Variants in AIMP2 observed in about 807,000 individuals in gnomAD.
The protein encoded by AIMP2 is aminoacyl tRNA synthase complex-interacting multifunctional protein 2.
A neutral mutation model predicts 23.4 loss-of-function variants in AIMP2; 20 were observed. The observed-to-expected ratio is 0.85, with a 90% CI of 0.60 to 1.24. AIMP2 has a LOEUF of 1.24. Ranked by LOEUF, AIMP2 falls within the 50% of genes most tolerant of loss-of-function variation. The pLI is 0.00. For synonymous variants in AIMP2, 210 were observed against 170.4 expected (o/e 1.23, Z -1.81); for missense variants, 515 against 414.5 (o/e 1.24, Z -2.10).
In AIMP2 at chr7:6,023,306, C is replaced by G. The variant is rs776366708; in HGVS notation, c.578C>G (p.Pro193Arg). The change falls in exon 4 of 4, where the codon CCG becomes CGG. Residue 193 changes from proline to arginine, a missense_variant. By Grantham distance (103) the Pro-to-Arg change is moderately radical (BLOSUM62 -2). Transcript: ENST00000223029. Reference sequence around the variant, plus strand: ...CTGGCGTGTTTTTTCTTTTCAGTGCCGAAGACGCAGATGAAATTCAGCATC... The same window carrying G: ...CTGGCGTGTTTTTTCTTTTCAGTGCGGAAGACGCAGATGAAATTCAGCATC... ...LGFTLIWKNV[P>R]KTQMKFSIQT... 1.3e-6 allele frequency: 2 copies of G among 1,592,144 alleles called. No individual in the cohort carries two copies. Among genetic ancestry groups the G allele is most frequent in the African/African-American group, 1.4e-5 (1 of 73,984 alleles).
chr7:6,018,638 A>C (rs1011649107), intron 3 of AIMP2, among the ~76,000 whole-genome samples: 1 of 151,648 alleles, frequency 6.6e-6, no homozygotes, highest in African/African-American at 2.4e-5. Context: ...GTTCAAGACC[A>C]GCCTGACCAA....
rs374710868 is a variant in AIMP2 at position 6,015,292 on chromosome 7, A to T, written c.282A>T (p.Gln94His). The change falls in exon 2 of 4, where the codon CAA becomes CAT. Residue 94 changes from glutamine (Q) to histidine (H), a missense_variant. By Grantham distance (24) the Gln-to-His change is conservative (BLOSUM62 0). Coordinates refer to ENST00000223029, the MANE Select transcript of AIMP2 (RefSeq NM_006303.4). ...DADLDVTNII[Q>H]ADEPTTLTTN... ...ACTTGGATGTAACCAACATAATCCA[A>T]GCGGATGAGCCCACGACTTTAACCA... The T allele has an allele frequency of 9.9e-6, 16 of 1,614,092 alleles. No individual in the cohort carries two copies. The highest frequency in any genetic ancestry group is 6.7e-5 in the Admixed American group (4 of 60,006).
chr7:6,015,283 C>G lies in AIMP2; in HGVS notation c.273C>G (p.Asn91Lys). Residue 91 changes from asparagine to lysine, a missense_variant, in exon 2 of 4, where the codon AAC becomes AAG. Transcript: ENST00000223029. ...QTPDADLDVT[N>K]IIQADEPTTL... Reference sequence around the variant, plus strand: ...CAGATGCAGACTTGGATGTAACCAACATAATCCAAGCGGATGAGCCCACGA... The same window carrying G: ...CAGATGCAGACTTGGATGTAACCAAGATAATCCAAGCGGATGAGCCCACGA... 1.9e-6 allele frequency: 3 copies of G among 1,614,206 alleles called. No homozygotes were observed. Among genetic ancestry groups the G allele is most frequent in the Non-Finnish European group, 2.5e-6 (3 of 1,180,042 alleles).
In AIMP2 at chr7:6,009,974, A is replaced by AATATATATAT. The variant is rs1183984035; in HGVS notation, c.135+485_135+494dup. ...CAAAAAAAAAAAAAAAAAAAAAAAA[A>AATATATATAT]ATATATATATATATATATGTATGTA... On this transcript the variant is annotated intron_variant, in intron 1 of 3. Coordinates refer to ENST00000223029, the MANE Select transcript of AIMP2 (RefSeq NM_006303.4). Among the ~76,000 whole-genome samples the AATATATATAT allele has an allele frequency of 4.4e-3, 117 of 26,584 alleles. 1 individual carries two copies. Among genetic ancestry groups the AATATATATAT allele is most frequent in the East Asian group, 0.011 (3 of 270 alleles). The allele number at this position is 26,584 out of a possible 152,430, so 17.4% of individuals were successfully genotyped here. A position where few individuals can be genotyped will look rare whatever the true frequency, so the allele number is the denominator to read the frequency against.
At chr7:6,011,741 G>T (rs1015102168) in intron 1 of AIMP2, among the ~76,000 whole-genome samples, 2 of 152,322 alleles carry the variant, frequency 1.3e-5, no homozygotes, top group Admixed American at 6.5e-5. Context: ...ACAGGGCCCA[G>T]TCACCCTCCA....
chr7:6,010,918 C>T (rs926365295), intron 1 of AIMP2, among the ~76,000 whole-genome samples: 4 of 152,092 alleles, frequency 2.6e-5, no homozygotes, highest in Admixed American at 2.0e-4. Context: ...CCTCTAACCC[C>T]AGCCTCCCAA....
intron 1 of AIMP2, among the ~76,000 whole-genome samples, chr7:6,014,581 C>T (rs915016059): frequency 1.3e-5 from 2 of 151,794 alleles, no homozygotes; most frequent in Admixed American, 1.3e-4. Flanking sequence ...ATTTGGGGAT[C>T]AATTTGCAGG....
rs142458143 is a variant in AIMP2 at position 6,009,441 on chromosome 7, G to C, written c.78G>C (p.Arg26=). 4 of 1,610,700 alleles carry C rather than the reference G, an allele frequency of 2.5e-6. No homozygotes were observed. Among genetic ancestry groups the C allele is most frequent in the Non-Finnish European group, 3.4e-6 (4 of 1,179,786 alleles). The change falls in exon 1 of 4, where the codon CGG becomes CGC. Residue 26 remains arginine (R), a synonymous_variant. Coordinates refer to ENST00000223029, the MANE Select transcript of AIMP2 (RefSeq NM_006303.4). ...TGGAGCTTCCCACCTGCATGTACCG[G>C]CTCCCCAACGTGCACGGCAGGAGCT... ...LRVELPTCMY[R]LPNVHGRSYG... is the part of the protein sequence containing the mutation.
chr7:6,015,031 C>T (rs1296424089), intron 1 of AIMP2, 115 bp from the exon 2 acceptor site: 10 of 1,554,260 alleles, frequency 6.4e-6, no homozygotes, highest in Non-Finnish European at 8.7e-6. Context: ...ATAATGTCTT[C>T]TTTTAAAGGG....
chr7:6,009,613 C>T, intron 1 of AIMP2, 115 bp downstream of exon 1: 1 of 931,890 alleles, frequency 1.1e-6, no homozygotes, highest in Non-Finnish European at 1.4e-6. Flanking sequence ...ACCCCGGCAT[C>T]TGTGCCGGCC....
rs371322289 is a variant in AIMP2 at position 6,023,460 on chromosome 7, A to G, written c.732A>G (p.Leu244=). 5.0e-6 allele frequency: 8 copies of G among 1,614,048 alleles called. No homozygotes were observed. The African/African-American group carries it at 1.1e-4, about 22-fold the overall frequency. The change falls in exon 4 of 4, where the codon TTA becomes TTG. Residue 244 remains leucine (L), a synonymous_variant. Transcript: ENST00000223029. ...DSWVDIAIFQ[L]KEGSSKEKAA... is the part of the protein sequence containing the mutation. The stretch of plus-strand genomic sequence containing the variant: ...GGGTAGATATTGCGATTTTTCAGTT[A>G]AAAGAGGGAAGCAGTAAAGAAAAAG...
chr7:6,019,501 A>G (rs1787247462), intron 3 of AIMP2, among the ~76,000 whole-genome samples: 1 of 151,344 alleles, frequency 6.6e-6, no homozygotes, highest in Non-Finnish European at 1.5e-5. Flanking sequence ...AAAAAAAAAA[A>G]AAGAGATCTC....
intron 3 of AIMP2, among the ~76,000 whole-genome samples, chr7:6,020,727 C>T (rs991918510): frequency 6.6e-6 from 1 of 152,166 alleles, no homozygotes; most frequent in Non-Finnish European, 1.5e-5. Context: ...ATACCTGTGT[C>T]AACAGGTTTT....
intron 1 of AIMP2, among the ~76,000 whole-genome samples, chr7:6,009,974 A>AAATATATAT: frequency 3.7e-5 from 1 of 26,674 alleles, no homozygotes; most frequent in African/African-American, 1.4e-4. Flanking sequence ...AAAAAAAAAA[A>AAATATATAT]ATATATATAT....
chr7:6,023,789 T>A lies in AIMP2; in HGVS notation c.*98T>A. ...ACTTGTATTAGAGTCAGAGTCTTTT[T>A]ATTTAGGCCAGTTGTCAAGTGTCAA... On this transcript the variant is annotated 3_prime_UTR_variant, in exon 4 of 4. Coordinates refer to ENST00000223029, the MANE Select transcript of AIMP2 (RefSeq NM_006303.4). 1.9e-6 allele frequency: 3 copies of A among 1,596,692 alleles called. No individual in the cohort carries two copies. Among genetic ancestry groups the A allele is most frequent in the Non-Finnish European group, 2.6e-6 (3 of 1,170,460 alleles).
At chr7:6,014,250 C>CTTTTTTTTTTTTTTTTTTTTT (rs57008315) in intron 1 of AIMP2, among the ~76,000 whole-genome samples, 2 of 67,518 alleles carry the variant, frequency 3.0e-5, no homozygotes, top group African/African-American at 1.2e-4. Context: ...TTTGTTGAAG[C>CTTTTTTTTTTTTTTTTTTTTT]TTTTTTTTTT....
Position 6,023,620 on chromosome 7 carries a change from A to G in AIMP2, c.892A>G (p.Asn298Asp). The change falls in exon 4 of 4, where the codon AAT (asparagine) becomes GAT (aspartate). Residue 298 changes from asparagine to aspartate, a missense_variant. Physicochemically the swap from Asn to Asp is conservative, Grantham distance 23. Transcript: ENST00000223029. ...AGGCTGCAGTGTGACAGTGCCAGCC[A>G]ATGTGCAGAGGTGGATGAGGTCTTG... ...IGGCSVTVPANVQRWMRSCEN... is the reference protein window; with the variant it reads ...IGGCSVTVPADVQRWMRSCEN... 6.2e-7 allele frequency: 1 copy of G among 1,614,150 alleles called. No individual in the cohort carries two copies. Among genetic ancestry groups the G allele is most frequent in the Non-Finnish European group, 8.5e-7 (1 of 1,180,008 alleles).
chr7:6,021,338 C>CAAAA lies in AIMP2; in HGVS notation c.575-1947_575-1944dup, dbSNP rs563523048. ...TGGGTGACAGAGCAAGACTCCATCTCAAAAAAAAAAAAAAAAAAAAAGAGA... is the reference window on the plus strand; with the variant it reads ...TGGGTGACAGAGCAAGACTCCATCTCAAAAAAAAAAAAAAAAAAAAAAAAAGAGA... On this transcript the variant is annotated intron_variant, in intron 3 of 3. Coordinates refer to ENST00000223029, the MANE Select transcript of AIMP2 (RefSeq NM_006303.4). Among the ~76,000 whole-genome samples, 59 of 65,476 alleles carry CAAAA rather than the reference C, an allele frequency of 9.0e-4. 1 individual carries two copies. The highest frequency in any genetic ancestry group is 7.6e-3 in the Middle Eastern group (1 of 132). 43.0% of individuals were successfully genotyped at this position (65,476 alleles called of 152,430 possible). A position where few individuals can be genotyped will look rare whatever the true frequency, so the allele number is the denominator to read the frequency against.
intron 3 of AIMP2, among the ~76,000 whole-genome samples, chr7:6,018,483 A>T (rs1419029135): frequency 6.6e-6 from 1 of 151,254 alleles, no homozygotes; most frequent in East Asian, 2.0e-4. Context: ...ATCTTGGAAA[A>T]TTTTTTGGAG....
Sources: allele counts gnomAD v4.1 joint callset (sites outside exome capture counted in the v4.1 genomes callset), GRCh38; gene constraint gnomAD v4.1.1; transcripts MANE v1.5; gene names NCBI Gene and HGNC (gene_info 2026-07-23, HGNC 2026-07-21).